F13A1: variants seen among roughly 807,000 people sequenced by gnomAD.
The protein encoded by F13A1 is coagulation factor XIII A chain.
F13A1 carries 47 observed loss-of-function variants against 80.1 expected under a neutral mutation model. The ratio of observed to expected loss-of-function variants is 0.59; its 90% CI spans 0.46 to 0.75. The LOEUF (loss-of-function observed/expected upper bound fraction) is 0.75, where lower values mean the gene tolerates loss of function less well. F13A1 is among the 30% of genes least tolerant of loss of function. The pLI, the probability that F13A1 is intolerant of heterozygous loss-of-function variation, is 0.00. For synonymous variants in F13A1, 349 were observed against 344.9 expected, an observed-to-expected ratio of 1.01 and a Z score of -0.13; for missense variants, 817 against 930.4, an observed-to-expected ratio of 0.88 and a Z score of 1.59.
chr6:6,284,851 C>G (rs1245574157), intron 3 of F13A1, among the ~76,000 whole-genome samples: 1 of 152,158 alleles, frequency 6.6e-6, no homozygotes, highest in Non-Finnish European at 1.5e-5. Context: ...GAGATTTTAC[C>G]CTTCAACTCT....
intron 8 of F13A1, among the ~76,000 whole-genome samples, chr6:6,218,727 T>C (rs1323198302): frequency 2.6e-5 from 4 of 152,204 alleles, no homozygotes; most frequent in Non-Finnish European, 5.9e-5. Flanking sequence ...ACATCCTTCA[T>C]GCAGGGGACC....
chr6:6,310,366 A>G (rs1224967289), intron 2 of F13A1, among the ~76,000 whole-genome samples: 2 of 152,206 alleles, frequency 1.3e-5, no homozygotes, highest in East Asian at 3.8e-4. Context: ...GTTTTTGGAA[A>G]TGCTTCACTA....
At position 6,224,839 on chromosome 6, in the gene F13A1, C is replaced by G; in HGVS notation, c.820G>C (p.Gly274Arg). The change falls in exon 7 of 15, where the codon GGT (glycine) becomes CGT (arginine). Residue 274 changes from glycine to arginine, a missense_variant. By Grantham distance (125) the Gly-to-Arg change is moderately radical. Transcript: ENST00000264870. ...SAMVNAKDDE[G>R]VLVGSWDNIY... ...TTGTCCCAGGATCCAACGAGGACAC[C>G]TTCGTCATCTTTGGCATTCACCTAA... 6.2e-7 allele frequency: 1 copy of G among 1,614,044 alleles called. No homozygotes were observed.
chr6:6,210,493 TGCCACAGTTAGCCTGCAATGTGGGACTAC>T (rs1761587941), intron 8 of F13A1, among the ~76,000 whole-genome samples: 2 of 24,162 alleles, frequency 8.3e-5, no homozygotes, highest in Non-Finnish European at 1.5e-4. Flanking sequence ...TACAGGCACC[TGCCACAGTTAGCCTGCAATGTGGGACTAC>T]AGGCACCTGC....
At chr6:6,248,196 C>A (rs1015283989) in intron 6 of F13A1, 116 bp downstream of exon 6, 4 of 895,648 alleles carry the variant, frequency 4.5e-6, no homozygotes, top group Non-Finnish European at 5.4e-6. Flanking sequence ...TAGAATCTTA[C>A]AAATGAAAGT....
rs370994159 is a variant in F13A1 at position 6,318,519 on chromosome 6, G to A, written c.130+16C>T. 7 of 1,608,326 alleles carry A rather than the reference G, an allele frequency of 4.4e-6. No homozygotes were observed. In the East Asian group the frequency reaches 1.1e-4, roughly 26 times the overall value. ...GCCTGGACCCAGAGTGGTGGGGAAG[G>A]GGGGTATGCTCATACCTTGCAGGTT... is the stretch of plus-strand genomic sequence containing the variant. On this transcript the variant is annotated intron_variant, in intron 2 of 14. Transcript: ENST00000264870.
chr6:6,299,976 A>T (rs567780362), intron 3 of F13A1, among the ~76,000 whole-genome samples: 1 of 146,966 alleles, frequency 6.8e-6, no homozygotes, highest in Non-Finnish European at 1.5e-5. Flanking sequence ...CAGACAGGAC[A>T]CTCAGCTGCA....
intron 3 of F13A1, 113 bp downstream of exon 3, chr6:6,305,238 C>T: frequency 8.4e-7 from 1 of 1,189,168 alleles, no homozygotes; most frequent in Non-Finnish European, 1.2e-6. Context: ...GTCATTCCAG[C>T]TCCTGCCACT....
chr6:6,175,732 G>A (rs181877049), intron 11 of F13A1, among the ~76,000 whole-genome samples: 4 of 152,344 alleles, frequency 2.6e-5, no homozygotes, highest in East Asian at 1.9e-4. Flanking sequence ...AGGGACATCT[G>A]TTGACAGGCG....
chr6:6,315,735 G>C (rs1258059911), intron 2 of F13A1, among the ~76,000 whole-genome samples: 2 of 151,974 alleles, frequency 1.3e-5, no homozygotes, highest in South Asian at 2.1e-4. Flanking sequence ...TTGCTAACTG[G>C]AAGAGTGGCC....
chr6:6,241,625 C>T (rs1056610107), intron 6 of F13A1, among the ~76,000 whole-genome samples: 3 of 151,942 alleles, frequency 2.0e-5, no homozygotes, highest in African/African-American at 2.4e-5. Context: ...TATCTACGAC[C>T]GTTCACTCCA....
intron 8 of F13A1, among the ~76,000 whole-genome samples, chr6:6,219,567 G>T (rs1204773156): frequency 2.0e-5 from 3 of 152,188 alleles, no homozygotes; most frequent in Non-Finnish European, 4.4e-5. Context: ...AAGCCACACA[G>T]CAAGTAGCTG....
intron 13 of F13A1, among the ~76,000 whole-genome samples, chr6:6,166,911 A>G (rs1230531253): frequency 6.6e-6 from 1 of 152,222 alleles, no homozygotes; most frequent in Non-Finnish European, 1.5e-5. Flanking sequence ...AAAAGGCAAG[A>G]GGGAACCTTC....
At position 6,145,367 on chromosome 6, in the gene F13A1, G is replaced by C. The variant is rs1167874021; in HGVS notation, c.*252C>G. 5 of 526,154 alleles carry C rather than the reference G, an allele frequency of 9.5e-6. No individual in the cohort carries two copies. In the Admixed American group the frequency reaches 1.2e-4, roughly 13 times the overall value. 32.6% of individuals were successfully genotyped at this position (526,154 alleles called of 1,614,324 possible). A position where few individuals can be genotyped will look rare whatever the true frequency, so the allele number is the denominator to read the frequency against. ...GATGACTGTTACTCTTATGAGCTATGAGAGCTTAATTAAAGCTAATGCTTA... is the reference window on the plus strand; with the variant it reads ...GATGACTGTTACTCTTATGAGCTATCAGAGCTTAATTAAAGCTAATGCTTA... On this transcript the variant is annotated 3_prime_UTR_variant, in exon 15 of 15. Transcript: ENST00000264870.
rs184559688 is a variant in F13A1, at chr6:6,239,814, A to G, written c.798+8498T>C. 2.7e-3 allele frequency among the ~76,000 whole-genome samples: 406 copies of G among 150,624 alleles called. 4 individuals are homozygous for G. The highest frequency in any genetic ancestry group is 8.7e-3 in the African/African-American group (357 of 40,974). The stretch of plus-strand genomic sequence containing the variant: ...TAGAGCTGGTATAGAACAGGCCTCA[A>G]AAATATCTGAATTAAAGGAATGGAC... On this transcript the variant is annotated intron_variant, in intron 6 of 14. Coordinates refer to ENST00000264870, the MANE Select transcript of F13A1 (RefSeq NM_000129.4).
At chr6:6,308,325 T>C (rs1203623381) in intron 2 of F13A1, among the ~76,000 whole-genome samples, 1 of 152,180 alleles carries the variant, frequency 6.6e-6, no homozygotes, top group African/African-American at 2.4e-5. Context: ...ATCCAGCCTA[T>C]TTAACTGTTT....
intron 13 of F13A1, among the ~76,000 whole-genome samples, chr6:6,152,268 G>C (rs1277938040): frequency 6.6e-6 from 1 of 152,194 alleles, no homozygotes; most frequent in Non-Finnish European, 1.5e-5. Flanking sequence ...CGTTTCCACG[G>C]TGAGGGCGGC....
At position 6,315,513 on chromosome 6, in the gene F13A1, A is replaced by AT. The variant is rs199619899; in HGVS notation, c.130+3021dup. On this transcript the variant is annotated intron_variant, in intron 2 of 14. Transcript: ENST00000264870. Reference sequence around the variant, plus strand: ...TGAGTTTATACATTTTAAAATACAGATTTTACCAAAATAATTCTTAACCAA... The same window carrying AT: ...TGAGTTTATACATTTTAAAATACAGATTTTTACCAAAATAATTCTTAACCAA... Among the ~76,000 whole-genome samples the AT allele has an allele frequency of 9.1e-3, 1,381 of 152,256 alleles. 24 individuals carry two copies. Among genetic ancestry groups the AT allele is most frequent in the Admixed American group, 0.041 (629 of 15,270 alleles).
At chr6:6,198,580 C>G (rs1761333286) in intron 8 of F13A1, among the ~76,000 whole-genome samples, 1 of 152,166 alleles carries the variant, frequency 6.6e-6, no homozygotes, top group South Asian at 2.1e-4. Context: ...ATATTAATTT[C>G]ACTATGTACC....
Sources: allele counts gnomAD v4.1 joint callset (sites outside exome capture counted in the v4.1 genomes callset), GRCh38; gene constraint gnomAD v4.1.1; transcripts MANE v1.5; gene names NCBI Gene and HGNC (gene_info 2026-07-23, HGNC 2026-07-21).